Variants in CMTM8 observed in about 807,000 individuals in gnomAD.
The protein encoded by CMTM8 is CKLF-like MARVEL transmembrane domain-containing protein 8.
A neutral mutation model predicts 18.6 loss-of-function variants in CMTM8; 12 were observed. The observed-to-expected ratio is 0.65, with a 90% confidence interval of 0.41 to 1.05. CMTM8 has a LOEUF of 1.05. CMTM8 is among the 50% of genes least tolerant of loss of function. The probability of loss-of-function intolerance (pLI) is 0.00; values close to 1 mark genes in which losing one functional copy is unlikely to be tolerated. For synonymous variants in CMTM8, 87 were observed against 90.6 expected, an observed-to-expected ratio of 0.96 and a Z score of 0.23; for missense variants, 217 against 227.2, an observed-to-expected ratio of 0.95 and a Z score of 0.29.
At position 32,302,308 on chromosome 3, in the gene CMTM8, A is replaced by C. The variant is rs554249965; in HGVS notation, c.148-55065A>C. On this transcript the variant is annotated intron_variant, in intron 1 of 3. Transcript: ENST00000307526. Reference sequence around the variant, plus strand: ...GACCTTGTCTCAGAAACAAAACAAAATACCCCCACAAAATAACTACCTTGA... The same window carrying C: ...GACCTTGTCTCAGAAACAAAACAAACTACCCCCACAAAATAACTACCTTGA... 4.6e-5 allele frequency among the ~76,000 whole-genome samples: 7 copies of C among 152,264 alleles called. No homozygotes were observed. In the South Asian group the frequency reaches 1.0e-3, roughly 23 times the overall value.
At chr3:32,290,470 G>A (rs1702760665) in intron 1 of CMTM8, among the ~76,000 whole-genome samples, 1 of 152,154 alleles carries the variant, frequency 6.6e-6, no homozygotes, top group African/African-American at 2.4e-5. Context: ...TATGAGTATG[G>A]ATAATGTACA....
chr3:32,341,396 G>C (rs1021874384), intron 1 of CMTM8, among the ~76,000 whole-genome samples: 1 of 152,146 alleles, frequency 6.6e-6, no homozygotes, highest in African/African-American at 2.4e-5. Context: ...ATTCCTCTAA[G>C]GCAGGCTTAT....
chr3:32,305,632 A>G (rs1029968652), intron 1 of CMTM8, among the ~76,000 whole-genome samples: 3 of 152,174 alleles, frequency 2.0e-5, no homozygotes, highest in Non-Finnish European at 4.4e-5. Flanking sequence ...ACAGCAGGCT[A>G]TAAGTAGGAG....
intron 1 of CMTM8, among the ~76,000 whole-genome samples, chr3:32,318,715 C>T (rs768159277): frequency 6.6e-6 from 1 of 151,522 alleles, no homozygotes; most frequent in Admixed American, 6.6e-5. Context: ...TACAGGCACC[C>T]GCCACCACGC....
At chr3:32,290,946 C>T (rs1288136952) in intron 1 of CMTM8, among the ~76,000 whole-genome samples, 3 of 152,092 alleles carry the variant, frequency 2.0e-5, no homozygotes, top group South Asian at 2.1e-4. Flanking sequence ...CGGGGTTTTG[C>T]CATGTTGCCC....
chr3:32,263,441 C>T (rs970006169), intron 1 of CMTM8, among the ~76,000 whole-genome samples: 4 of 152,102 alleles, frequency 2.6e-5, no homozygotes, highest in Admixed American at 2.0e-4. Flanking sequence ...ACACCAAAAC[C>T]CCATCTGTAC....
intron 1 of CMTM8, among the ~76,000 whole-genome samples, chr3:32,309,225 C>T (rs1432601049): frequency 6.6e-6 from 1 of 151,008 alleles, no homozygotes; most frequent in Non-Finnish European, 1.5e-5. Context: ...AGACTTGGTG[C>T]TGTGGGAAGA....
chr3:32,255,519 A>AT (rs1462853553), intron 1 of CMTM8, among the ~76,000 whole-genome samples: 3 of 152,070 alleles, frequency 2.0e-5, no homozygotes, highest in Non-Finnish European at 4.4e-5. Flanking sequence ...TTTTCATGTT[A>AT]TTTTTTGTGT....
At chr3:32,313,656 C>T (rs1695866322) in intron 1 of CMTM8, among the ~76,000 whole-genome samples, 1 of 152,136 alleles carries the variant, frequency 6.6e-6, no homozygotes, top group Admixed American at 6.5e-5. Flanking sequence ...ATCTGGGACC[C>T]ATCCCAGAAC....
chr3:32,363,593 G>A (rs138691062), intron 2 of CMTM8, among the ~76,000 whole-genome samples: 246 of 152,320 alleles, frequency 1.6e-3, no homozygotes, highest in African/African-American at 5.4e-3. Flanking sequence ...CTCTGCCACA[G>A]ACGAAGCAGC....
intron 1 of CMTM8, among the ~76,000 whole-genome samples, chr3:32,305,902 A>G (rs1226425717): frequency 6.6e-6 from 1 of 152,232 alleles, no homozygotes; most frequent in Admixed American, 6.5e-5. Context: ...AATTGTGTTA[A>G]GATATCTCAT....
chr3:32,330,001 A>T (rs568102640), intron 1 of CMTM8, among the ~76,000 whole-genome samples: 25 of 152,226 alleles, frequency 1.6e-4, no homozygotes, highest in Non-Finnish European at 2.9e-4. Context: ...TTTACAATAG[A>T]ATCAAAAAGA....
At chr3:32,296,138 TTTTA>T (rs1702875234) in intron 1 of CMTM8, among the ~76,000 whole-genome samples, 1 of 151,744 alleles carries the variant, frequency 6.6e-6, no homozygotes, top group African/African-American at 2.4e-5. Flanking sequence ...GCCTTTTATT[TTTTA>T]TTTTTTTTTA....
intron 1 of CMTM8, among the ~76,000 whole-genome samples, chr3:32,331,146 A>T (rs1696266516): frequency 6.6e-6 from 1 of 152,218 alleles, no homozygotes; most frequent in South Asian, 2.1e-4. Flanking sequence ...AAATGTAAAA[A>T]CGGGGAAAGG....
intron 1 of CMTM8, among the ~76,000 whole-genome samples, chr3:32,277,548 G>C (rs761748119): frequency 6.6e-6 from 1 of 151,954 alleles, no homozygotes; most frequent in African/African-American, 2.4e-5. Context: ...TATTCTCCAG[G>C]GAGTGGGACT....
At chr3:32,273,590 G>C (rs1415163734) in intron 1 of CMTM8, among the ~76,000 whole-genome samples, 1 of 152,128 alleles carries the variant, frequency 6.6e-6, no homozygotes, top group Non-Finnish European at 1.5e-5. Context: ...AGACACAAAA[G>C]GCCATGTATT....
intron 2 of CMTM8, among the ~76,000 whole-genome samples, chr3:32,361,288 T>TTTTTTTTTGTTTTTTGTTTG (rs1278506563): frequency 6.8e-6 from 1 of 147,206 alleles, no homozygotes; most frequent in Non-Finnish European, 1.5e-5. Flanking sequence ...GCCTAAGAGT[T>TTTTTTTTTGTTTTTTGTTTG]TTTTTTTCTT....
intron 1 of CMTM8, among the ~76,000 whole-genome samples, chr3:32,303,054 A>G (rs932179560): frequency 4.6e-5 from 7 of 152,230 alleles, no homozygotes; most frequent in African/African-American, 1.7e-4. Context: ...TCTCCCTTCC[A>G]GCAAATCCTT....
At chr3:32,305,720 A>G (rs1032277174) in intron 1 of CMTM8, among the ~76,000 whole-genome samples, 5 of 152,228 alleles carry the variant, frequency 3.3e-5, no homozygotes, top group African/African-American at 1.2e-4. Context: ...TCTTCAGTTC[A>G]TACAGCATCA....
Sources: allele counts gnomAD v4.1 joint callset (sites outside exome capture counted in the v4.1 genomes callset), GRCh38; gene constraint gnomAD v4.1.1; transcripts MANE v1.5; gene names NCBI Gene and HGNC (gene_info 2026-07-23, HGNC 2026-07-21).